EBPL: variants seen among roughly 807,000 people sequenced by gnomAD.
EBPL encodes the protein emopamil-binding protein-like.
EBPL carries 20 observed loss-of-function variants against 19.0 expected under a neutral mutation model. The ratio of observed to expected loss-of-function variants is 1.05; its 90% confidence interval spans 0.74 to 1.53. EBPL has a LOEUF of 1.53. Among genes scored for constraint, EBPL ranks in the 40% most tolerant of loss-of-function variants. The pLI is 0.00. For synonymous variants in EBPL, 107 were observed against 117.0 expected, an observed-to-expected ratio of 0.91 and a Z score of 0.55; for missense variants, 219 against 261.1, an observed-to-expected ratio of 0.84 and a Z score of 1.11.
chr13:49,679,501 C>T (rs993883890), intron 1 of EBPL, among the ~76,000 whole-genome samples: 1 of 152,138 alleles, frequency 6.6e-6, no homozygotes, highest in East Asian at 1.9e-4. Context: ...AAAGCAAGTA[C>T]AACAGATTGT....
At chr13:49,690,921 A>C (rs1033069703) in intron 1 of EBPL, among the ~76,000 whole-genome samples, 7 of 151,860 alleles carry the variant, frequency 4.6e-5, no homozygotes, top group Non-Finnish European at 1.5e-5. Context: ...CCTCAATTCT[A>C]CTCTCAATTA....
chr13:49,686,360 C>G, intron 1 of EBPL: 1 of 1,122,850 alleles, frequency 8.9e-7, no homozygotes, highest in Non-Finnish European at 1.1e-6. Flanking sequence ...TCCTGCAGGG[C>G]TTTCATCTAC....
chr13:49,661,851 T>A (rs1216307402), intron 3 of EBPL: 2 of 1,550,326 alleles, frequency 1.3e-6, no homozygotes, highest in African/African-American at 2.7e-5. Flanking sequence ...GAAAATGGAA[T>A]GCAGCTGTGC....
intron 1 of EBPL, among the ~76,000 whole-genome samples, chr13:49,672,316 T>C (rs946050606): frequency 6.6e-6 from 1 of 152,242 alleles, no homozygotes; most frequent in Non-Finnish European, 1.5e-5. Context: ...GTATAATACA[T>C]ATCAAGTGTA....
At chr13:49,672,329 G>A (rs1344724391) in intron 1 of EBPL, among the ~76,000 whole-genome samples, 3 of 152,140 alleles carry the variant, frequency 2.0e-5, no homozygotes, top group Non-Finnish European at 4.4e-5. Flanking sequence ...CAAGTGTAAC[G>A]AATATTCATG....
chr13:49,679,098 A>C (rs1953915061), intron 1 of EBPL, among the ~76,000 whole-genome samples: 1 of 152,154 alleles, frequency 6.6e-6, no homozygotes, highest in Non-Finnish European at 1.5e-5. Context: ...AACACTACTT[A>C]CTATTTGCCA....
At position 49,664,675 on chromosome 13, in the gene EBPL, C is replaced by T. The variant is rs901154218; in HGVS notation, c.242-1480G>A. Among the ~76,000 whole-genome samples the T allele has an allele frequency of 9.2e-5, 14 of 152,182 alleles. No homozygotes were observed. The East Asian group carries it at 2.1e-3, about 23-fold the overall frequency. On this transcript the variant is annotated intron_variant, in intron 2 of 3. Coordinates refer to ENST00000242827, the MANE Select transcript of EBPL (RefSeq NM_032565.5). ...CTCGTCTCCCCCTTTAATACTGCCT[C>T]GCATTATTCAGAAAAGGTGTGAAGT...
At chr13:49,663,781 C>T (rs1339208616) in intron 2 of EBPL, among the ~76,000 whole-genome samples, 1 of 151,222 alleles carries the variant, frequency 6.6e-6, no homozygotes, top group Non-Finnish European at 1.5e-5. Context: ...ACTAAAAATA[C>T]AAAAAATTAG....
At position 49,677,817 on chromosome 13, in the gene EBPL, G is replaced by A. The variant is rs574790889; in HGVS notation, c.172-7971C>T. ...TCTCAATGACTTCAAGAATGAAGCCGTGGACCCTCGCGGTGAGTGTTAGTT... is the reference window on the plus strand; with the variant it reads ...TCTCAATGACTTCAAGAATGAAGCCATGGACCCTCGCGGTGAGTGTTAGTT... On this transcript the variant is annotated intron_variant, in intron 1 of 3. Coordinates refer to ENST00000242827, the MANE Select transcript of EBPL (RefSeq NM_032565.5). Among the ~76,000 whole-genome samples, 5 of 152,326 alleles carry A rather than the reference G, an allele frequency of 3.3e-5. 1 individual carries two copies. Among genetic ancestry groups the A allele is most frequent in the African/African-American group, 7.2e-5 (3 of 41,582 alleles).
chr13:49,661,680 T>A (rs527818526), intron 3 of EBPL: 1 of 926,904 alleles, frequency 1.1e-6, no homozygotes, highest in African/African-American at 1.8e-5. Context: ...ATGTTTAAAA[T>A]AATAAACACA....
chr13:49,674,587 CT>C (rs10683884), intron 1 of EBPL, among the ~76,000 whole-genome samples: 51 of 139,614 alleles, frequency 3.7e-4, no homozygotes, highest in Middle Eastern at 7.3e-3. Context: ...AATGAATGGG[CT>C]TTTTTTTTTT....
intron 1 of EBPL, among the ~76,000 whole-genome samples, chr13:49,673,515 G>A (rs57317256): frequency 0.012 from 1,849 of 152,134 alleles, 32 homozygotes; most frequent in African/African-American, 0.042. Flanking sequence ...TTGGCTCACT[G>A]CAACCTCCAC....
intron 3 of EBPL, among the ~76,000 whole-genome samples, chr13:49,662,624 A>AT (rs2137480886): frequency 6.6e-6 from 1 of 151,064 alleles, no homozygotes; most frequent in African/African-American, 2.4e-5. Flanking sequence ...ACATAAAATA[A>AT]TTTTCATTTC....
chr13:49,678,022 AG>A (rs59560395), intron 1 of EBPL, among the ~76,000 whole-genome samples: 95,512 of 151,444 alleles, frequency 0.63, 31,819 homozygotes, highest in East Asian at 0.77. Flanking sequence ...ACAGCGTGGA[AG>A]GGGACCCAAG....
At chr13:49,690,979 G>A (rs1235468461) in intron 1 of EBPL, among the ~76,000 whole-genome samples, 2 of 152,168 alleles carry the variant, frequency 1.3e-5, no homozygotes, top group Non-Finnish European at 2.9e-5. Context: ...AGGAAGCTGA[G>A]GTATCTTCTA....
Position 49,673,404 on chromosome 13 carries a change from C to T in EBPL, c.172-3558G>A, listed in dbSNP as rs1953839644. Among the ~76,000 whole-genome samples, 3 of 152,126 alleles carry T rather than the reference C, an allele frequency of 2.0e-5. No individual in the cohort carries two copies. The South Asian group carries it at 6.2e-4, about 32-fold the overall frequency. On this transcript the variant is annotated intron_variant, in intron 1 of 3. Coordinates refer to ENST00000242827, the MANE Select transcript of EBPL (RefSeq NM_032565.5). ...ACTGATGTCCTTCAAAAAGCCAATC[C>T]CAAAAGCTTACATAATGGTTACATT...
chr13:49,664,535 C>A (rs543689714), intron 2 of EBPL, among the ~76,000 whole-genome samples: 1 of 152,090 alleles, frequency 6.6e-6, no homozygotes, highest in Non-Finnish European at 1.5e-5. Flanking sequence ...GAATGATGGC[C>A]AGGTATTATG....
rs112129201 is a variant in EBPL at position 49,663,593 on chromosome 13, G to C, written c.242-398C>G. 4.4e-3 allele frequency among the ~76,000 whole-genome samples: 673 copies of C among 152,290 alleles called. 3 individuals carry two copies. The highest frequency in any genetic ancestry group is 7.7e-3 in the Non-Finnish European group (521 of 68,040). The stretch of plus-strand genomic sequence containing the variant: ...ACTTCAAAATTTCCATATAAATTCT[G>C]TAAGTATAATGGAGATGTGGGAAAT... On this transcript the variant is annotated intron_variant, in intron 2 of 3. Transcript: ENST00000242827.
chr13:49,668,341 AG>A, intron 2 of EBPL: 2 of 220,710 alleles, frequency 9.1e-6, no homozygotes, highest in Non-Finnish European at 1.8e-5. Flanking sequence ...TGGGAGGCCG[AG>A]GTGGGCAGAT....
Sources: allele counts gnomAD v4.1 joint callset (sites outside exome capture counted in the v4.1 genomes callset), GRCh38; gene constraint gnomAD v4.1.1; transcripts MANE v1.5; gene names NCBI Gene and HGNC (gene_info 2026-07-23, HGNC 2026-07-21).